GAK: variants seen among roughly 807,000 people sequenced by gnomAD.
The protein encoded by GAK is cyclin-G-associated kinase.
Under a neutral mutation model 143.9 loss-of-function variants are expected in GAK, and 79 were observed. The ratio of observed to expected loss-of-function variants is 0.55; its 90% CI spans 0.46 to 0.66. The LOEUF (loss-of-function observed/expected upper bound fraction) is 0.66, where lower values mean the gene tolerates loss of function less well. GAK is among the 30% of genes least tolerant of loss of function. The probability of loss-of-function intolerance (pLI) is 0.00; values close to 1 mark genes in which losing one functional copy is unlikely to be tolerated. For missense variants in GAK, 1,693 were observed against 1,779.7 expected, an observed-to-expected ratio of 0.95 and a Z score of 0.88; for synonymous variants, 881 against 765.5, an observed-to-expected ratio of 1.15 and a Z score of -2.49.
chr4:916,742 T>C (rs1391230328), intron 1 of GAK, among the ~76,000 whole-genome samples: 5 of 152,180 alleles, frequency 3.3e-5, no homozygotes, highest in Admixed American at 6.6e-5. Flanking sequence ...TGCACAGCTT[T>C]TGGAAATGGA....
intron 26 of GAK, 49 bp from the exon 27 acceptor site, chr4:850,117 C>G: frequency 6.7e-7 from 1 of 1,492,844 alleles, no homozygotes; most frequent in South Asian, 1.3e-5. Flanking sequence ...GCCTGCCCTC[C>G]TCCTCTGCAC....
chr4:887,266 C>T (rs1716603072), intron 11 of GAK: 1 of 148,076 alleles, frequency 6.8e-6, no homozygotes, highest in East Asian at 2.1e-4. Context: ...GGCTCACGCG[C>T]ACTCACGTGT....
At chr4:897,931 G>C in intron 6 of GAK, 102 bp downstream of exon 6, 10 of 1,342,154 alleles carry the variant, frequency 7.5e-6, no homozygotes, top group Non-Finnish European at 1.0e-5. Context: ...CCTGGTGACA[G>C]AGCGAGACTC....
intron 1 of GAK, among the ~76,000 whole-genome samples, chr4:924,889 G>A (rs980076460): frequency 6.6e-6 from 1 of 151,710 alleles, no homozygotes; most frequent in African/African-American, 2.4e-5. Context: ...ATTGGGTTGT[G>A]GTGGTGGAGT....
intron 1 of GAK, among the ~76,000 whole-genome samples, chr4:924,570 G>C (rs899385): frequency 6.6e-6 from 1 of 152,166 alleles, no homozygotes; most frequent in Non-Finnish European, 1.5e-5. Context: ...CAGCGGACAC[G>C]GTTTGGATCT....
At chr4:884,119 C>A (rs958436899) in intron 11 of GAK, 33 bp from the exon 12 acceptor site, 2 of 1,592,450 alleles carry the variant, frequency 1.3e-6, no homozygotes, top group African/African-American at 1.3e-5. Context: ...TTGGTTATGA[C>A]AAGAAACACT....
At chr4:919,458 C>T (rs1393705660) in intron 1 of GAK, among the ~76,000 whole-genome samples, 1 of 152,268 alleles carries the variant, frequency 6.6e-6, no homozygotes, top group African/African-American at 2.4e-5. Flanking sequence ...CCCCAGCCTC[C>T]TCCTCTCCAG....
At chr4:894,119 G>T in intron 7 of GAK, 110 bp from the exon 8 acceptor site, 1 of 1,292,408 alleles carries the variant, frequency 7.7e-7, no homozygotes, top group South Asian at 1.6e-5. Flanking sequence ...ATGCAGGGGT[G>T]ACATCGGAGC....
In GAK at chr4:877,181, G is replaced by A. The variant is rs1485347478; in HGVS notation, c.1883C>T (p.Ala628Val). Residue 628 changes from alanine (A) to valine (V), a missense_variant, in exon 17 of 28, where the codon GCG becomes GTG. This residue lies in a region of GAK where 871 missense variants were observed against 991.0 expected (regional missense o/e 0.88). Coordinates refer to ENST00000314167, the MANE Select transcript of GAK (RefSeq NM_005255.4). ...CACCGTGACGCCCAGGGGAATCACC[G>A]CTTTGCCATCTTCAATCTTAAAGTC... ...MRDFKIEDGK[A>V]VIPLGVTVQG... is the part of the protein sequence containing the mutation. The A allele has an allele frequency of 5.6e-6, 9 of 1,613,624 alleles. No homozygotes were observed. Among genetic ancestry groups the A allele is most frequent in the African/African-American group, 2.7e-5 (2 of 75,046 alleles).
intron 5 of GAK, among the ~76,000 whole-genome samples, chr4:903,996 G>A (rs935548872): frequency 1.6e-4 from 25 of 152,380 alleles, no homozygotes; most frequent in Admixed American, 5.2e-4. Context: ...TGGAAGATCC[G>A]CTTCCACTGT....
intron 4 of GAK, among the ~76,000 whole-genome samples, chr4:908,315 G>A (rs1721442919): frequency 6.6e-6 from 1 of 152,138 alleles, no homozygotes; most frequent in Non-Finnish European, 1.5e-5. Flanking sequence ...ACGCAGTGAT[G>A]CATCCACACC....
chr4:849,839 C>CG, intron 27 of GAK, 53 bp downstream of exon 27: 3 of 1,124,978 alleles, frequency 2.7e-6, no homozygotes, highest in Non-Finnish European at 3.9e-6. Flanking sequence ...GCAGGACCCC[C>CG]CCCCCGCCCC....
chr4:866,239 G>A (rs918223495), intron 22 of GAK, 125 bp downstream of exon 22: 24 of 942,876 alleles, frequency 2.5e-5, no homozygotes, highest in South Asian at 3.2e-5. Flanking sequence ...CGCAAGGAGC[G>A]CACCCGGAGG....
In GAK at chr4:883,363, G is replaced by T. The variant is rs202112980; in HGVS notation, c.1356C>A (p.Val452=). The part of the protein sequence containing the change: ...LDSKHPGHYA[V]YNLSPRTYRP... ...GGTAGGTCCTCGGGGACAGGTTGTA[G>T]ACGGCATAGTGCCCTGGGTGCTTGG... is the stretch of plus-strand genomic sequence containing the variant. Residue 452 remains valine (V), a synonymous_variant, in exon 13 of 28, where the codon GTC becomes GTA. Transcript: ENST00000314167. 5.7e-5 allele frequency: 92 copies of T among 1,613,612 alleles called. No homozygotes were observed. Among genetic ancestry groups the T allele is most frequent in the Non-Finnish European group, 2.0e-5 (24 of 1,180,024 alleles).
intron 6 of GAK, among the ~76,000 whole-genome samples, chr4:897,671 A>AT (rs556049918): frequency 6.6e-6 from 1 of 152,176 alleles, no homozygotes; most frequent in Non-Finnish European, 1.5e-5. Flanking sequence ...AAGTCTGTTT[A>AT]TTACATTGCT....
intron 1 of GAK, among the ~76,000 whole-genome samples, chr4:914,394 C>T (rs1388145404): frequency 8.8e-6 from 1 of 113,632 alleles, no homozygotes; most frequent in African/African-American, 3.5e-5. Flanking sequence ...CCAGCATGCA[C>T]GGCCCCACAC....
intron 19 of GAK, 26 bp downstream of exon 19, chr4:870,685 C>T (rs2152764499): frequency 6.2e-7 from 1 of 1,609,300 alleles, no homozygotes; most frequent in South Asian, 1.1e-5. Flanking sequence ...GAACAGGGTT[C>T]ACCTAATTCA....
At chr4:875,462 G>A (rs1480701178) in intron 18 of GAK, among the ~76,000 whole-genome samples, 101 of 152,350 alleles carry the variant, frequency 6.6e-4, no homozygotes, top group Non-Finnish European at 1.8e-4. Context: ...GGCCAGGCCA[G>A]CACCCCTCCC....
chr4:859,165 T>G, intron 24 of GAK: 1 of 984,524 alleles, frequency 1.0e-6, no homozygotes, highest in Non-Finnish European at 1.2e-6. Context: ...GACCGGAGAC[T>G]CAGACCACAG....
Sources: allele counts gnomAD v4.1 joint callset (sites outside exome capture counted in the v4.1 genomes callset), GRCh38; gene constraint gnomAD v4.1.1; regional missense constraint gnomAD v4.1.1; transcripts MANE v1.5; gene names NCBI Gene and HGNC (gene_info 2026-07-23, HGNC 2026-07-21).